The following NIN variants were observed in gnomAD, a reference collection of about 807,000 sequenced individuals.
NIN encodes the protein ninein, also known as glycogen synthase kinase 3 beta-interacting protein.
A neutral mutation model predicts 257.6 loss-of-function variants in NIN; 137 were observed. That is an observed-to-expected ratio of 0.53 (90% CI 0.46 to 0.61). The LOEUF (loss-of-function observed/expected upper bound fraction) is 0.61, where lower values mean the gene tolerates loss of function less well. NIN is among the 20% of genes least tolerant of loss of function. The probability of loss-of-function intolerance (pLI) is 0.00; values close to 1 mark genes in which losing one functional copy is unlikely to be tolerated. For synonymous variants in NIN, 918 were observed against 919.8 expected, an observed-to-expected ratio of 1.00 and a Z score of 0.04; for missense variants, 2,439 against 2,501.2, an observed-to-expected ratio of 0.98 and a Z score of 0.53.
rs367824353 is a variant in NIN at position 50,796,991 on chromosome 14, A to C, written c.266-4110T>G. Among the ~76,000 whole-genome samples the C allele has an allele frequency of 1.0e-3, 158 of 152,346 alleles. 1 individual carries two copies. The South Asian group carries it at 0.029, about 28-fold the overall frequency. ...CTAAGGGAAGCTAAAATCATTATGC[A>C]AAAGCCTGAACACTATATATTCAAT... On this transcript the variant is annotated intron_variant, in intron 4 of 30. Coordinates refer to ENST00000530997, the MANE Select transcript of NIN (RefSeq NM_020921.4).
At chr14:50,823,930 C>G (rs914565574) in intron 2 of NIN, among the ~76,000 whole-genome samples, 4 of 152,196 alleles carry the variant, frequency 2.6e-5, no homozygotes, top group Non-Finnish European at 4.4e-5. Flanking sequence ...AGAATTTAGA[C>G]AAGGCCAACA....
chr14:50,744,180 G>A, intron 23 of NIN, 63 bp downstream of exon 23: 1 of 1,573,796 alleles, frequency 6.4e-7, no homozygotes, highest in East Asian at 2.3e-5. Context: ...ACTGTCCACA[G>A]AGAAAGGTTC....
chr14:50,787,031 A>G (rs529550578), intron 5 of NIN, among the ~76,000 whole-genome samples: 1 of 152,190 alleles, frequency 6.6e-6, no homozygotes, highest in Non-Finnish European at 1.5e-5. Context: ...CCCAACACAA[A>G]GACTGGATTT....
rs201033602 is a variant in NIN, at chr14:50,763,888, G to A, written c.1712C>T (p.Pro571Leu). ...TTCTTCTGACGGTGAGTTCTTCAAC[G>A]GAAGCCTGAGCACTCTGCCTTGTGC... ...YRAQGRVLRL[P>L]LKNSPSEEVE... The change falls in exon 15 of 31, where the codon CCG (proline) becomes CTG (leucine). Residue 571 changes from proline to leucine, a missense_variant. By Grantham distance (98) the Pro-to-Leu change is moderately conservative. This residue lies in a region of NIN where 2,043 missense variants were observed against 2,050.2 expected (regional missense o/e 1.00). Transcript: ENST00000530997. 3.7e-6 allele frequency: 6 copies of A among 1,613,876 alleles called. No individual in the cohort carries two copies. Among genetic ancestry groups the A allele is most frequent in the Non-Finnish European group, 3.4e-6 (4 of 1,179,792 alleles).
intron 28 of NIN, among the ~76,000 whole-genome samples, chr14:50,731,573 C>T (rs997494400): frequency 7.9e-5 from 12 of 150,952 alleles, no homozygotes; most frequent in Non-Finnish European, 5.9e-5. Context: ...TGGTGGCTCA[C>T]GCCTGTAATC....
At chr14:50,816,087 A>G (rs578162884) in intron 3 of NIN, among the ~76,000 whole-genome samples, 7 of 152,178 alleles carry the variant, frequency 4.6e-5, no homozygotes, top group Middle Eastern at 3.2e-3. Flanking sequence ...TCAGCAAACT[A>G]AAGCAGGAAC....
intron 3 of NIN, among the ~76,000 whole-genome samples, chr14:50,807,887 AC>A (rs1449620475): frequency 6.6e-6 from 1 of 152,214 alleles, no homozygotes; most frequent in Non-Finnish European, 1.5e-5. Context: ...GCAATTTACC[AC>A]ACTCTTCCAA....
chr14:50,770,290 G>T, intron 12 of NIN, 98 bp downstream of exon 12: 1 of 1,237,708 alleles, frequency 8.1e-7, no homozygotes, highest in Non-Finnish European at 1.1e-6. Context: ...AGGATTTTTG[G>T]ACTGAACCCT....
intron 22 of NIN, among the ~76,000 whole-genome samples, chr14:50,744,954 TG>T (rs1357378761): frequency 1.3e-5 from 2 of 151,972 alleles, no homozygotes. Context: ...CCCCTAGAAT[TG>T]GCATGAACCA....
chr14:50,775,102 A>G (rs769835631), intron 7 of NIN, among the ~76,000 whole-genome samples: 8 of 152,236 alleles, frequency 5.3e-5, no homozygotes, highest in Non-Finnish European at 1.0e-4. Flanking sequence ...GAGTGCTGGG[A>G]AACTGAACAC....
At position 50,759,922 on chromosome 14, in the gene NIN, AGT is replaced by A; in HGVS notation, c.2332_2333del (p.Thr778SerfsTer2). 8 of 1,613,964 alleles carry A rather than the reference AGT, an allele frequency of 5.0e-6. No homozygotes were observed. Among genetic ancestry groups the A allele is most frequent in the Non-Finnish European group, 6.8e-6 (8 of 1,179,974 alleles). ...CTTTTCTTAACTCCTCTTTCTCAAGAGTGTGTTTCTCCACCAGGCTTGTCAGC... is the reference window on the plus strand; with the variant it reads ...CTTTTCTTAACTCCTCTTTCTCAAGAGTGTTTCTCCACCAGGCTTGTCAGC... ...EQLTSLVEKH[T>X]LEKEELRKEL... On this transcript the variant is annotated frameshift_variant, in exon 17 of 31. Transcript: ENST00000530997. LOFTEE classifies it high-confidence loss of function.
intron 17 of NIN, 45 bp downstream of exon 17, chr14:50,759,812 G>GA (rs1316033078): frequency 1.3e-6 from 2 of 1,558,814 alleles, no homozygotes; most frequent in African/African-American, 2.7e-5. Context: ...CTAATGCCCC[G>GA]AGGGATGGTG....
chr14:50,730,340 C>T (rs1455173885), intron 28 of NIN, among the ~76,000 whole-genome samples: 1 of 152,080 alleles, frequency 6.6e-6, no homozygotes, highest in Admixed American at 6.5e-5. Context: ...TGGAAGTATT[C>T]AAGACAATGA....
At chr14:50,765,660 A>G (rs2042450775) in intron 14 of NIN, among the ~76,000 whole-genome samples, 1 of 151,642 alleles carries the variant, frequency 6.6e-6, no homozygotes, top group East Asian at 1.9e-4. Flanking sequence ...ATTGGGAATG[A>G]TTTACTAGCT....
intron 22 of NIN, among the ~76,000 whole-genome samples, chr14:50,745,272 T>C (rs1195162977): frequency 6.6e-6 from 1 of 152,160 alleles, no homozygotes; most frequent in East Asian, 1.9e-4. Context: ...ACTCAAAAGA[T>C]GGCAGTAACC....
chr14:50,729,375 T>C, intron 29 of NIN, 148 bp downstream of exon 29: 1 of 687,498 alleles, frequency 1.5e-6, no homozygotes, highest in Non-Finnish European at 2.4e-6. Flanking sequence ...CCTCAAGCGA[T>C]CCTCCCGTCT....
chr14:50,792,659 A>T, intron 5 of NIN, 53 bp downstream of exon 5: 1 of 1,602,824 alleles, frequency 6.2e-7, no homozygotes, highest in African/African-American at 1.3e-5. Flanking sequence ...TGCTGCACTG[A>T]CGTGGGGCTC....
At chr14:50,741,813 G>A in intron 24 of NIN, 85 bp from the exon 25 acceptor site, 1 of 1,443,464 alleles carries the variant, frequency 6.9e-7, no homozygotes, top group East Asian at 2.3e-5. Context: ...AAGGACAAAA[G>A]AACTTTCAAG....
chr14:50,792,916 A>G, intron 4 of NIN, 35 bp from the exon 5 acceptor site: 1 of 1,609,058 alleles, frequency 6.2e-7, no homozygotes, highest in Non-Finnish European at 8.5e-7. Flanking sequence ...GCCACATGAC[A>G]TGAGAATCTC....
Sources: allele counts gnomAD v4.1 joint callset (sites outside exome capture counted in the v4.1 genomes callset), GRCh38; gene constraint gnomAD v4.1.1; regional missense constraint gnomAD v4.1.1; transcripts MANE v1.5; gene names NCBI Gene and HGNC (gene_info 2026-07-23, HGNC 2026-07-21).